RTN4RL1: variants seen among roughly 807,000 people sequenced by gnomAD.
RTN4RL1 encodes the protein reticulon 4 receptor like 1, also known as reticulon-4 receptor-like 1.
In RTN4RL1, 7 loss-of-function variants were observed where a neutral mutation model predicts 25.6. The observed-to-expected ratio is 0.27, with a 90% CI of 0.16 to 0.51. The LOEUF is 0.51. RTN4RL1 is among the 20% of genes least tolerant of loss of function. RTN4RL1 has a pLI of 0.97. For synonymous variants in RTN4RL1, 297 were observed against 288.2 expected, an observed-to-expected ratio of 1.03 and a Z score of -0.31; for missense variants, 500 against 615.6, an observed-to-expected ratio of 0.81 and a Z score of 1.99.
In RTN4RL1 at chr17:1,943,471, C is replaced by T. The variant is rs1472665141; in HGVS notation, c.14-5663G>A. On this transcript the variant is annotated intron_variant, in intron 1 of 1. Transcript: ENST00000331238. ...ATCCCCGCAGCCCCCTGGGCAGGGC[C>T]GTGGGGCTCTCTGGGTCTTGGAGAC... is the stretch of plus-strand genomic sequence containing the variant. Among the ~76,000 whole-genome samples the T allele has an allele frequency of 4.6e-5, 7 of 152,320 alleles. No homozygotes were observed. In the East Asian group the frequency reaches 7.7e-4, roughly 17 times the overall value.
At chr17:2,024,808 C>G in intron 1 of RTN4RL1, 45 bp downstream of exon 1, 1 of 1,550,572 alleles carries the variant, frequency 6.4e-7, no homozygotes, top group Non-Finnish European at 8.7e-7. Flanking sequence ...GCGGCTCTTT[C>G]CGGAGCGCAT....
intron 1 of RTN4RL1, among the ~76,000 whole-genome samples, chr17:1,973,971 GGAGATTGCAGTGAGCC>G (rs1424240802): frequency 1.0e-4 from 15 of 150,718 alleles, no homozygotes; most frequent in African/African-American, 3.4e-4. Flanking sequence ...CCCATGAAGC[GGAGATTGCAGTGAGCC>G]GAGATTGCGC....
At chr17:1,958,361 C>G (rs987973530) in intron 1 of RTN4RL1, among the ~76,000 whole-genome samples, 1 of 152,224 alleles carries the variant, frequency 6.6e-6, no homozygotes, top group Admixed American at 6.5e-5. Flanking sequence ...CAGTGCCCCA[C>G]CAGGCACCCC....
At chr17:2,022,629 A>T (rs2067223419) in intron 1 of RTN4RL1, among the ~76,000 whole-genome samples, 1 of 152,262 alleles carries the variant, frequency 6.6e-6, no homozygotes. Context: ...CCAAAAGATC[A>T]GGATCTGGGG....
intron 1 of RTN4RL1, among the ~76,000 whole-genome samples, chr17:1,975,783 T>G (rs1039973994): frequency 1.3e-5 from 2 of 152,212 alleles, no homozygotes; most frequent in African/African-American, 4.8e-5. Flanking sequence ...TTTGCAGATT[T>G]ACTGAATCGA....
At chr17:1,952,372 T>G (rs1159904302) in intron 1 of RTN4RL1, among the ~76,000 whole-genome samples, 4 of 146,674 alleles carry the variant, frequency 2.7e-5, no homozygotes, top group African/African-American at 1.0e-4. Context: ...AGTGTCACTC[T>G]GTCGCCCAGG....
chr17:2,002,329 G>C (rs937364804), intron 1 of RTN4RL1, among the ~76,000 whole-genome samples: 3 of 140,468 alleles, frequency 2.1e-5, no homozygotes, highest in Non-Finnish European at 4.6e-5. Flanking sequence ...GTCTTGCTCT[G>C]TCGCCCAGGC....
At chr17:2,014,893 G>A (rs547704386) in intron 1 of RTN4RL1, among the ~76,000 whole-genome samples, 8 of 152,182 alleles carry the variant, frequency 5.3e-5, no homozygotes, top group Non-Finnish European at 1.0e-4. Flanking sequence ...TAGACCTGGA[G>A]CTCAGAGTTC....
chr17:1,992,374 A>G (rs941691905), intron 1 of RTN4RL1, among the ~76,000 whole-genome samples: 10 of 151,984 alleles, frequency 6.6e-5, no homozygotes, highest in South Asian at 6.2e-4. Flanking sequence ...AAAAAAAAAA[A>G]AAAGAAAAAC....
At position 1,981,918 on chromosome 17, in the gene RTN4RL1, G is replaced by T. The variant is rs367873469; in HGVS notation, c.13+42935C>A. The stretch of plus-strand genomic sequence containing the variant: ...CCTACCGCACACCTAGGCTATATGG[G>T]ATAGCCCACTGCTCCTAGGCTACAA... On this transcript the variant is annotated intron_variant, in intron 1 of 1. Transcript: ENST00000331238. Among the ~76,000 whole-genome samples, 17 of 152,364 alleles carry T rather than the reference G, an allele frequency of 1.1e-4. No homozygotes were observed. The South Asian group carries it at 1.7e-3, about 15-fold the overall frequency.
intron 1 of RTN4RL1, among the ~76,000 whole-genome samples, chr17:1,958,034 TA>T (rs200204199): frequency 6.7e-6 from 1 of 149,030 alleles, no homozygotes; most frequent in East Asian, 2.0e-4. Context: ...AAATAAAAAA[TA>T]AAAAAAAATT....
At chr17:2,004,908 G>T (rs1313246812) in intron 1 of RTN4RL1, among the ~76,000 whole-genome samples, 1 of 152,248 alleles carries the variant, frequency 6.6e-6, no homozygotes, top group African/African-American at 2.4e-5. Context: ...TGCCTGGAAG[G>T]AAGTTACCAC....
intron 1 of RTN4RL1, among the ~76,000 whole-genome samples, chr17:2,014,487 C>T (rs185546606): frequency 7.9e-5 from 12 of 152,248 alleles, no homozygotes; most frequent in Admixed American, 4.6e-4. Context: ...GAAGCAGCCA[C>T]GGAGTGTTCT....
In RTN4RL1 at chr17:2,024,114, C is replaced by T. The variant is rs1597265280; in HGVS notation, c.13+739G>A. The stretch of plus-strand genomic sequence containing the variant: ...CGCGGCGGGACTTCCCCGGTGCCCG[C>T]ACCAACTTTGCCGCGCTCCGTACCG... On this transcript the variant is annotated intron_variant, in intron 1 of 1. Coordinates refer to ENST00000331238, the MANE Select transcript of RTN4RL1 (RefSeq NM_178568.4). 3.3e-5 allele frequency among the ~76,000 whole-genome samples: 5 copies of T among 152,298 alleles called. No homozygotes were observed. The South Asian group carries it at 1.0e-3, about 32-fold the overall frequency.
chr17:1,937,973 G>A (rs556948466), intron 1 of RTN4RL1, among the ~76,000 whole-genome samples, 165 bp from the exon 2 acceptor site: 59 of 152,368 alleles, frequency 3.9e-4, no homozygotes, highest in South Asian at 2.9e-3. Context: ...CCTGGAACCC[G>A]TCGGGGATGA....
rs939180791 is a variant in RTN4RL1 at position 1,998,755 on chromosome 17, G to C, written c.13+26098C>G. On this transcript the variant is annotated intron_variant, in intron 1 of 1. Coordinates refer to ENST00000331238, the MANE Select transcript of RTN4RL1 (RefSeq NM_178568.4). This position sits in a 1 kb window ranked among gnomAD's most constrained non-coding sequence, Gnocchi z 4.9. Reference sequence around the variant, plus strand: ...CGCAGCACAGACGGGGACAGGGGCGGCCTCGCGCGCACGGGGACCCCGGGG... The same window carrying C: ...CGCAGCACAGACGGGGACAGGGGCGCCCTCGCGCGCACGGGGACCCCGGGG... Among the ~76,000 whole-genome samples the C allele has an allele frequency of 4.0e-5, 6 of 150,702 alleles. No individual in the cohort carries two copies. The highest frequency in any genetic ancestry group is 8.9e-5 in the Non-Finnish European group (6 of 67,434).
intron 1 of RTN4RL1, among the ~76,000 whole-genome samples, chr17:1,947,811 C>A (rs1221949971): frequency 1.3e-5 from 2 of 152,198 alleles, no homozygotes; most frequent in African/African-American, 2.4e-5. Context: ...CACGTACTGC[C>A]CAGGCTTGAG....
intron 1 of RTN4RL1, among the ~76,000 whole-genome samples, chr17:1,939,147 T>G (rs758627942): frequency 1.1e-4 from 16 of 151,740 alleles, no homozygotes; most frequent in Admixed American, 5.3e-4. Context: ...GGTCAGGAGA[T>G]CGAGACCATC....
At chr17:2,019,217 C>G (rs962287405) in intron 1 of RTN4RL1, 6 of 152,254 alleles carry the variant, frequency 3.9e-5, no homozygotes, top group African/African-American at 1.2e-4. Flanking sequence ...GAGGAAAGGG[C>G]TGCTTTCGGC....
Sources: gnomAD v4.1 joint callset for allele counts (sites outside exome capture counted in the v4.1 genomes callset) on GRCh38, gnomAD v4.1.1 for gene constraint, Gnocchi (gnomAD v3.1) non-coding constraint, MANE v1.5 for transcripts, NCBI Gene and HGNC (gene_info 2026-07-23, HGNC 2026-07-21) for gene names.